Variants in FSTL5 observed in about 807,000 individuals in gnomAD.
FSTL5 encodes follistatin like 5.
FSTL5 carries 62 observed loss-of-function variants against 89.1 expected under a neutral mutation model. That is an observed-to-expected ratio of 0.70 (90% CI 0.57 to 0.86). The LOEUF (loss-of-function observed/expected upper bound fraction) is 0.86. Among genes scored for constraint, FSTL5 ranks in the 40% least tolerant of loss-of-function variants. The pLI is 0.00. For missense variants in FSTL5, 1,057 were observed against 1,001.6 expected, an observed-to-expected ratio of 1.06 and a Z score of -0.75; for synonymous variants, 383 against 346.2, an observed-to-expected ratio of 1.11 and a Z score of -1.18.
At chr4:161,916,412 C>T (rs998792337) in intron 4 of FSTL5, among the ~76,000 whole-genome samples, 1 of 152,072 alleles carries the variant, frequency 6.6e-6, no homozygotes, top group Non-Finnish European at 1.5e-5. Flanking sequence ...ATTGTACTTG[C>T]TTTAAGGGAT....
chr4:161,839,786 T>G (rs1233470967), intron 4 of FSTL5, among the ~76,000 whole-genome samples: 1 of 152,188 alleles, frequency 6.6e-6, no homozygotes, highest in African/African-American at 2.4e-5. Flanking sequence ...ATTGGAGTGG[T>G]GATTACATAG....
At chr4:161,437,342 G>A (rs560009766) in intron 15 of FSTL5, among the ~76,000 whole-genome samples, 79 of 152,002 alleles carry the variant, frequency 5.2e-4, no homozygotes, top group African/African-American at 1.7e-3. Flanking sequence ...CGAGGCGGGC[G>A]GATTACGAGG....
intron 1 of FSTL5, among the ~76,000 whole-genome samples, chr4:162,151,605 T>C (rs1335049582): frequency 6.6e-6 from 1 of 152,182 alleles, no homozygotes; most frequent in Non-Finnish European, 1.5e-5. Context: ...TGTCACATTC[T>C]ATTTTCTGGA....
intron 4 of FSTL5, among the ~76,000 whole-genome samples, chr4:161,907,051 C>A (rs1038777804): frequency 6.6e-6 from 1 of 151,946 alleles, no homozygotes; most frequent in African/African-American, 2.4e-5. Flanking sequence ...TAAATGTTTC[C>A]ACTTGTTAAA....
At chr4:161,435,475 CAAAA>C (rs1385226303) in intron 15 of FSTL5, among the ~76,000 whole-genome samples, 1 of 135,962 alleles carries the variant, frequency 7.4e-6, no homozygotes, top group African/African-American at 2.6e-5. Context: ...TTAGTGGATA[CAAAA>C]ATATAGTTAG....
chr4:162,054,746 G>A (rs1738483082), intron 2 of FSTL5, among the ~76,000 whole-genome samples: 2 of 151,714 alleles, frequency 1.3e-5, no homozygotes, highest in Non-Finnish European at 2.9e-5. Context: ...TTGCCAGCTT[G>A]AAGACAAAGG....
At chr4:161,847,682 G>A (rs1474034940) in intron 4 of FSTL5, among the ~76,000 whole-genome samples, 3 of 151,840 alleles carry the variant, frequency 2.0e-5, no homozygotes, top group African/African-American at 7.3e-5. Flanking sequence ...TTCAGCATTC[G>A]TAATTATAAC....
intron 3 of FSTL5, among the ~76,000 whole-genome samples, chr4:162,011,779 T>C (rs1578945438): frequency 6.6e-6 from 1 of 152,098 alleles, no homozygotes; most frequent in Non-Finnish European, 1.5e-5. Context: ...TTACAGATGT[T>C]AGCCACCGCG....
chr4:161,724,218 G>A (rs146157666), intron 6 of FSTL5, among the ~76,000 whole-genome samples: 7 of 152,172 alleles, frequency 4.6e-5, no homozygotes, highest in African/African-American at 1.4e-4. Flanking sequence ...CAAATGAAGA[G>A]AGGTGATACA....
chr4:161,989,416 T>A (rs2111071635), intron 3 of FSTL5, among the ~76,000 whole-genome samples: 2 of 152,274 alleles, frequency 1.3e-5, no homozygotes, highest in Middle Eastern at 3.4e-3. Flanking sequence ...GTACTTTCAA[T>A]CAAGATATCA....
chr4:162,099,120 T>C (rs1730882997), intron 2 of FSTL5, among the ~76,000 whole-genome samples: 1 of 152,118 alleles, frequency 6.6e-6, no homozygotes, highest in African/African-American at 2.4e-5. Flanking sequence ...GGGATAGTCA[T>C]CACCTCGAAC....
intron 10 of FSTL5, among the ~76,000 whole-genome samples, chr4:161,517,553 A>G (rs548953862): frequency 6.6e-6 from 1 of 152,274 alleles, no homozygotes; most frequent in South Asian, 2.1e-4. Context: ...CTTATTTTCA[A>G]AATGATGGAT....
intron 6 of FSTL5, among the ~76,000 whole-genome samples, chr4:161,698,723 T>C (rs1489621978): frequency 1.3e-5 from 2 of 152,110 alleles, no homozygotes; most frequent in African/African-American, 4.8e-5. Flanking sequence ...ATGTCAGGAA[T>C]TCAAGACCAG....
intron 1 of FSTL5, among the ~76,000 whole-genome samples, chr4:162,156,206 C>T (rs1438555612): frequency 6.6e-6 from 1 of 152,064 alleles, no homozygotes; most frequent in Admixed American, 6.6e-5. Context: ...CATCTCGCAC[C>T]AGTCAGAATG....
chr4:162,037,375 A>T (rs1737781946), intron 2 of FSTL5, among the ~76,000 whole-genome samples: 1 of 151,858 alleles, frequency 6.6e-6, no homozygotes. Context: ...CTAATTGTGG[A>T]AGCTGAGTGT....
intron 15 of FSTL5, among the ~76,000 whole-genome samples, chr4:161,402,874 T>C (rs1239421207): frequency 6.6e-6 from 1 of 151,032 alleles, no homozygotes; most frequent in African/African-American, 2.4e-5. Flanking sequence ...CAGGCTGGAG[T>C]GCAGTGGCAT....
intron 2 of FSTL5, among the ~76,000 whole-genome samples, chr4:162,063,808 T>A (rs2111288809): frequency 6.6e-6 from 1 of 151,982 alleles, no homozygotes; most frequent in East Asian, 1.9e-4. Flanking sequence ...ATGGTCTCCA[T>A]CTCCTAATAC....
At chr4:161,926,155 C>G (rs1734114954) in intron 3 of FSTL5, among the ~76,000 whole-genome samples, 1 of 151,848 alleles carries the variant, frequency 6.6e-6, no homozygotes, top group African/African-American at 2.4e-5. Flanking sequence ...AGATTGAGCA[C>G]AGTATAATCT....
At chr4:161,788,472 C>T (rs1299989996) in intron 4 of FSTL5, among the ~76,000 whole-genome samples, 1 of 152,180 alleles carries the variant, frequency 6.6e-6, no homozygotes, top group Non-Finnish European at 1.5e-5. Flanking sequence ...CTTCTATCAG[C>T]TCAACTTTTA....
Sources: allele counts gnomAD v4.1 joint callset (sites outside exome capture counted in the v4.1 genomes callset), GRCh38; gene constraint gnomAD v4.1.1; transcripts MANE v1.5; gene names NCBI Gene and HGNC (gene_info 2026-07-23, HGNC 2026-07-21).